RAP1GAP2: variants seen among roughly 807,000 people sequenced by gnomAD.
RAP1GAP2 encodes the protein rap1 GTPase-activating protein 2.
Under a neutral mutation model 95.0 loss-of-function variants are expected in RAP1GAP2, and 27 were observed. The ratio of observed to expected loss-of-function variants is 0.28; its 90% CI spans 0.21 to 0.39. RAP1GAP2 has a LOEUF of 0.39. RAP1GAP2 is among the 10% of genes least tolerant of loss of function. The probability of loss-of-function intolerance (pLI) is 1.00; values close to 1 mark genes in which losing one functional copy is unlikely to be tolerated. For missense variants in RAP1GAP2, 771 were observed against 970.0 expected (o/e 0.79, Z 2.72); for synonymous variants, 373 against 380.9 (o/e 0.98, Z 0.24).
chr17:3,018,347 T>A, intron 18 of RAP1GAP2, 149 bp downstream of exon 18: 1 of 1,122,814 alleles, frequency 8.9e-7, no homozygotes, highest in South Asian at 1.7e-5. Flanking sequence ...TGCTTGGGGG[T>A]GACCCTGACC....
intron 2 of RAP1GAP2, among the ~76,000 whole-genome samples, chr17:2,802,653 G>A (rs2069351529): frequency 6.6e-6 from 1 of 152,150 alleles, no homozygotes. Flanking sequence ...GGAGGTTGCA[G>A]TGAGGCGAGA....
chr17:2,782,868 T>C (rs1043497718), intron 1 of RAP1GAP2, among the ~76,000 whole-genome samples: 1 of 151,996 alleles, frequency 6.6e-6, no homozygotes, highest in Non-Finnish European at 1.5e-5. Flanking sequence ...ATACAAAAAA[T>C]TACCCGGGTG....
chr17:2,993,963 T>A (rs1469506579), intron 12 of RAP1GAP2, among the ~76,000 whole-genome samples: 1 of 152,194 alleles, frequency 6.6e-6, no homozygotes, highest in Non-Finnish European at 1.5e-5. Flanking sequence ...GGAGGATCGC[T>A]TGAGCCCAGG....
At chr17:2,944,428 T>A (rs1436629103) in intron 3 of RAP1GAP2, among the ~76,000 whole-genome samples, 5 of 152,226 alleles carry the variant, frequency 3.3e-5, no homozygotes, top group Non-Finnish European at 7.3e-5. Flanking sequence ...GGCAATCCTG[T>A]CAAAACACAG....
At chr17:2,932,816 C>CAAA (rs71377554) in intron 3 of RAP1GAP2, among the ~76,000 whole-genome samples, 1 of 10,166 alleles carries the variant, frequency 9.8e-5, no homozygotes, top group Non-Finnish European at 2.5e-4. Flanking sequence ...GACTCCATCT[C>CAAA]AAAAAAAGAA....
At chr17:3,025,304 G>A (rs1010327873) in intron 19 of RAP1GAP2, among the ~76,000 whole-genome samples, 4 of 152,190 alleles carry the variant, frequency 2.6e-5, no homozygotes, top group Non-Finnish European at 4.4e-5. Flanking sequence ...TTGAACCTGG[G>A]AGGCGGAGGT....
At chr17:2,869,242 C>T (rs1215230065) in intron 2 of RAP1GAP2, among the ~76,000 whole-genome samples, 1 of 152,080 alleles carries the variant, frequency 6.6e-6, no homozygotes, top group African/African-American at 2.4e-5. Flanking sequence ...TTATATGAGG[C>T]ACCTAGAATA....
rs937660096 is a variant in RAP1GAP2 at position 2,998,348 on chromosome 17, C to T, written c.1172C>T (p.Thr391Ile). Residue 391 changes from threonine (T) to isoleucine (I), a missense_variant, in exon 14 of 25, where the codon ACC (threonine) becomes ATC (isoleucine). By Grantham distance (89) the Thr-to-Ile change is moderately conservative. Coordinates refer to ENST00000254695, the MANE Select transcript of RAP1GAP2 (RefSeq NM_015085.5). Reference protein sequence around the residue: ...LHAYIVVQVETPGTETPSYKV... With the variant: ...LHAYIVVQVEIPGTETPSYKV... ...GCCTACATCGTCGTGCAGGTCGAGA[C>T]CCCAGGCACAGAGACCCCATCCTAC... is the stretch of plus-strand genomic sequence containing the variant. 12 of 1,613,888 alleles carry T rather than the reference C, an allele frequency of 7.4e-6. No individual in the cohort carries two copies. In the African/African-American group the frequency reaches 8.0e-5, roughly 11 times the overall value.
At chr17:3,018,299 T>G in intron 18 of RAP1GAP2, 101 bp downstream of exon 18, 1 of 1,426,334 alleles carries the variant, frequency 7.0e-7, no homozygotes. Flanking sequence ...GCAGGTGACT[T>G]GATCAGGGCA....
At chr17:2,813,601 G>T (rs1321746284) in intron 2 of RAP1GAP2, among the ~76,000 whole-genome samples, 2 of 152,146 alleles carry the variant, frequency 1.3e-5, no homozygotes, top group African/African-American at 4.8e-5. Flanking sequence ...TGCGTTGTAG[G>T]GTGTTGCGCA....
At chr17:2,874,380 G>T (rs2072993785) in intron 2 of RAP1GAP2, among the ~76,000 whole-genome samples, 1 of 152,066 alleles carries the variant, frequency 6.6e-6, no homozygotes, top group East Asian at 1.9e-4. Flanking sequence ...GTAAGGTCTG[G>T]GTCTTTTCCT....
chr17:2,762,695 C>T (rs2151757501), intron 1 of RAP1GAP2, among the ~76,000 whole-genome samples: 1 of 151,890 alleles, frequency 6.6e-6, no homozygotes, highest in East Asian at 1.9e-4. Context: ...AGCCACTGCA[C>T]CCAGCCTGGG....
chr17:2,813,145 C>T (rs962874908), intron 2 of RAP1GAP2, among the ~76,000 whole-genome samples: 1 of 150,788 alleles, frequency 6.6e-6, no homozygotes, highest in Non-Finnish European at 1.5e-5. Flanking sequence ...AATCTTGGCT[C>T]ACTGCAACCT....
intron 14 of RAP1GAP2, among the ~76,000 whole-genome samples, chr17:3,002,320 A>G (rs912367241): frequency 1.3e-5 from 2 of 152,330 alleles, no homozygotes; most frequent in Non-Finnish European, 2.9e-5. Flanking sequence ...GGTGATGAGA[A>G]GCAGGGGGGC....
chr17:3,030,533 G>A (rs1016711920), intron 22 of RAP1GAP2, among the ~76,000 whole-genome samples: 1 of 152,124 alleles, frequency 6.6e-6, no homozygotes, highest in Non-Finnish European at 1.5e-5. Flanking sequence ...ACGTGGACTT[G>A]GGAAGAAGAT....
At chr17:2,897,451 C>T (rs548247728) in intron 2 of RAP1GAP2, among the ~76,000 whole-genome samples, 1 of 152,114 alleles carries the variant, frequency 6.6e-6, no homozygotes, top group South Asian at 2.1e-4. Context: ...CGCTCTGTTG[C>T]CCAGGCTGGA....
intron 17 of RAP1GAP2, among the ~76,000 whole-genome samples, chr17:3,017,317 T>A (rs1252833256): frequency 4.6e-5 from 7 of 151,860 alleles, no homozygotes; most frequent in Admixed American, 1.3e-4. Flanking sequence ...CCTGAGCAGC[T>A]CCGTGCCCCC....
At chr17:2,885,189 C>T (rs1248747233) in intron 2 of RAP1GAP2, among the ~76,000 whole-genome samples, 8 of 152,078 alleles carry the variant, frequency 5.3e-5, no homozygotes, top group South Asian at 4.2e-4. Context: ...CCCGCCACCA[C>T]GCCTGACTAA....
At chr17:2,981,150 T>C in intron 9 of RAP1GAP2, 45 bp from the exon 10 acceptor site, 1 of 1,581,450 alleles carries the variant, frequency 6.3e-7, no homozygotes, top group South Asian at 1.1e-5. Flanking sequence ...CCAGATGTCC[T>C]CTACAGATAT....
Sources: allele counts gnomAD v4.1 joint callset (sites outside exome capture counted in the v4.1 genomes callset), GRCh38; gene constraint gnomAD v4.1.1; transcripts MANE v1.5; gene names NCBI Gene and HGNC (gene_info 2026-07-23, HGNC 2026-07-21).